The following GRIA1 variants were observed in gnomAD, a reference collection of about 807,000 sequenced individuals.
GRIA1 encodes glutamate ionotropic receptor AMPA type subunit 1.
A neutral mutation model predicts 99.2 loss-of-function variants in GRIA1; 31 were observed. The observed-to-expected ratio is 0.31, with a 90% CI of 0.23 to 0.42. The LOEUF (loss-of-function observed/expected upper bound fraction) is 0.42, where lower values mean the gene tolerates loss of function less well. Ranked by LOEUF, GRIA1 falls within the 10% of genes least tolerant of loss-of-function variation. The pLI, the probability that GRIA1 is intolerant of heterozygous loss-of-function variation, is 1.00. For missense variants in GRIA1, 782 were observed against 1,157.5 expected, an observed-to-expected ratio of 0.68 and a Z score of 4.71; for synonymous variants, 438 against 432.4, an observed-to-expected ratio of 1.01 and a Z score of -0.16.
At chr5:153,615,513 C>T (rs1233471535) in intron 2 of GRIA1, among the ~76,000 whole-genome samples, 1 of 152,130 alleles carries the variant, frequency 6.6e-6, no homozygotes, top group Non-Finnish European at 1.5e-5. Context: ...GCATGGTGGC[C>T]TGTGCCTGTA....
At chr5:153,726,808 C>G (rs1428402764) in intron 11 of GRIA1, among the ~76,000 whole-genome samples, 1 of 152,148 alleles carries the variant, frequency 6.6e-6, no homozygotes, top group Non-Finnish European at 1.5e-5. Flanking sequence ...ACCAGAGGTA[C>G]AAGGAGGAAT....
chr5:153,658,558 T>A (rs1755119328), intron 5 of GRIA1, among the ~76,000 whole-genome samples: 1 of 152,222 alleles, frequency 6.6e-6, no homozygotes, highest in Non-Finnish European at 1.5e-5. Context: ...TACTAATTAA[T>A]TCAGTTTGAA....
At chr5:153,588,851 C>T (rs949393163) in intron 2 of GRIA1, among the ~76,000 whole-genome samples, 1 of 151,976 alleles carries the variant, frequency 6.6e-6, no homozygotes, top group African/African-American at 2.4e-5. Flanking sequence ...AATGTATAAC[C>T]CTTTGGTCAC....
intron 5 of GRIA1, among the ~76,000 whole-genome samples, chr5:153,666,377 G>A (rs967766335): frequency 1.3e-4 from 20 of 152,168 alleles, no homozygotes; most frequent in Admixed American, 1.2e-3. Context: ...GGAATAAAGT[G>A]CTGTGTGGTT....
At chr5:153,530,142 G>T (rs576953969) in intron 2 of GRIA1, among the ~76,000 whole-genome samples, 74 of 152,256 alleles carry the variant, frequency 4.9e-4, no homozygotes, top group Admixed American at 1.7e-3. Context: ...AGAAGTTCTG[G>T]TAGGTAGTTA....
intron 11 of GRIA1, 29 bp from the exon 12 acceptor site, chr5:153,764,405 T>G: frequency 1.3e-6 from 2 of 1,577,122 alleles, no homozygotes; most frequent in Non-Finnish European, 1.7e-6. Flanking sequence ...ATGTCCATGC[T>G]GCTGATGCCT....
intron 2 of GRIA1, among the ~76,000 whole-genome samples, chr5:153,556,610 T>A (rs924990016): frequency 2.0e-5 from 3 of 152,130 alleles, no homozygotes; most frequent in Non-Finnish European, 4.4e-5. Context: ...GGAGACAATA[T>A]TTTATGTTCC....
chr5:153,662,298 A>T (rs1755428130), intron 5 of GRIA1, among the ~76,000 whole-genome samples: 1 of 152,232 alleles, frequency 6.6e-6, no homozygotes, highest in Non-Finnish European at 1.5e-5. Context: ...GGCTCATGCA[A>T]GAAGGACTAA....
chr5:153,508,460 A>C (rs1277274787), intron 2 of GRIA1, among the ~76,000 whole-genome samples: 2 of 152,162 alleles, frequency 1.3e-5, no homozygotes, highest in Non-Finnish European at 2.9e-5. Flanking sequence ...GAAAAAAAAA[A>C]CAGTAAGCAT....
chr5:153,801,952 C>CGGG (rs11348503), intron 14 of GRIA1, among the ~76,000 whole-genome samples: 165 of 79,188 alleles, frequency 2.1e-3, no homozygotes, highest in Middle Eastern at 5.8e-3. Flanking sequence ...GAAATTGGGG[C>CGGG]GGGGGGGGGC....
At chr5:153,726,924 A>G (rs949893697) in intron 11 of GRIA1, among the ~76,000 whole-genome samples, 10 of 152,234 alleles carry the variant, frequency 6.6e-5, no homozygotes, top group Non-Finnish European at 1.5e-4. Context: ...CCGGGCAGAG[A>G]CACAACCAAA....
At chr5:153,625,899 A>C (rs1359466663) in intron 2 of GRIA1, among the ~76,000 whole-genome samples, 1 of 152,216 alleles carries the variant, frequency 6.6e-6, no homozygotes, top group Non-Finnish European at 1.5e-5. Flanking sequence ...AGACTGGCTA[A>C]GGAATAGGCT....
chr5:153,773,859 T>C (rs1764042689), intron 13 of GRIA1, among the ~76,000 whole-genome samples: 1 of 152,098 alleles, frequency 6.6e-6, no homozygotes, highest in Non-Finnish European at 1.5e-5. Context: ...TAATTCCTGA[T>C]TCAAAAACAA....
At chr5:153,665,301 G>T (rs1020823353) in intron 5 of GRIA1, among the ~76,000 whole-genome samples, 10 of 152,242 alleles carry the variant, frequency 6.6e-5, no homozygotes, top group Non-Finnish European at 1.2e-4. Flanking sequence ...CTTGTATGAG[G>T]TATGTCTGTT....
intron 2 of GRIA1, among the ~76,000 whole-genome samples, chr5:153,579,572 T>C (rs929078374): frequency 1.3e-5 from 2 of 152,192 alleles, no homozygotes; most frequent in African/African-American, 4.8e-5. Context: ...ACAATGATGA[T>C]AATTTGAATG....
chr5:153,785,838 G>T (rs1278610631), intron 13 of GRIA1, among the ~76,000 whole-genome samples: 1 of 152,216 alleles, frequency 6.6e-6, no homozygotes, highest in Non-Finnish European at 1.5e-5. Context: ...ATCAGAGGGT[G>T]CTAATAATTC....
chr5:153,527,620 A>G (rs1374926310), intron 2 of GRIA1, among the ~76,000 whole-genome samples: 1 of 152,198 alleles, frequency 6.6e-6, no homozygotes, highest in Non-Finnish European at 1.5e-5. Flanking sequence ...GGGCACAGGA[A>G]GAACAAATAC....
chr5:153,620,677 A>G (rs1285635132), intron 2 of GRIA1, among the ~76,000 whole-genome samples: 1 of 152,178 alleles, frequency 6.6e-6, no homozygotes, highest in Non-Finnish European at 1.5e-5. Context: ...TAGGGTTTTA[A>G]AATACTATTT....
intron 3 of GRIA1, among the ~76,000 whole-genome samples, chr5:153,648,987 G>A (rs1244335805): frequency 1.3e-5 from 2 of 152,154 alleles, no homozygotes; most frequent in Non-Finnish European, 2.9e-5. Context: ...ATGTTGGGGG[G>A]ACACAATGTA....
Sources: allele counts gnomAD v4.1 joint callset (sites outside exome capture counted in the v4.1 genomes callset), GRCh38; gene constraint gnomAD v4.1.1; transcripts MANE v1.5; gene names NCBI Gene and HGNC (gene_info 2026-07-23, HGNC 2026-07-21).